CYFIP2: variants seen among roughly 807,000 people sequenced by gnomAD.
The protein encoded by CYFIP2 is cytoplasmic FMR1-interacting protein 2.
In CYFIP2, 29 loss-of-function variants were observed where a neutral mutation model predicts 158.7. The observed-to-expected ratio is 0.18, with a 90% confidence interval of 0.14 to 0.25. The LOEUF (loss-of-function observed/expected upper bound fraction) is 0.25. CYFIP2 is among the 10% of genes least tolerant of loss of function. The probability of loss-of-function intolerance (pLI) is 1.00; values close to 1 mark genes in which losing one functional copy is unlikely to be tolerated. For synonymous variants in CYFIP2, 585 were observed against 617.6 expected (o/e 0.95, Z 0.78); for missense variants, 852 against 1,639.5 (o/e 0.52, Z 8.29).
At chr5:157,384,939 C>CAAAAAAAAAAAAAAAAAAAA in intron 28 of CYFIP2, 1 of 63,866 alleles carries the variant, frequency 1.6e-5, no homozygotes, top group Non-Finnish European at 2.9e-5. Context: ...GACTCCATCT[C>CAAAAAAAAAAAAAAAAAAAA]AAAAAAAAAA....
chr5:157,288,400 T>C (rs1179933914), intron 3 of CYFIP2, among the ~76,000 whole-genome samples: 1 of 152,150 alleles, frequency 6.6e-6, no homozygotes, highest in African/African-American at 2.4e-5. Flanking sequence ...GGGAACACAC[T>C]CCAACCACAG....
At chr5:157,367,479 C>T (rs552605405) in intron 26 of CYFIP2, among the ~76,000 whole-genome samples, 1 of 152,274 alleles carries the variant, frequency 6.6e-6, no homozygotes, top group East Asian at 1.9e-4. Context: ...GTGCAGGAGT[C>T]TGGATGAAAA....
chr5:157,364,907 G>A (rs1764224478), intron 26 of CYFIP2: 1 of 152,096 alleles, frequency 6.6e-6, no homozygotes, highest in African/African-American at 2.4e-5. Flanking sequence ...CATTCTCATG[G>A]AAAACTCTGA....
chr5:157,325,423 G>C, intron 16 of CYFIP2, 59 bp from the exon 17 acceptor site: 1 of 1,475,462 alleles, frequency 6.8e-7, no homozygotes, highest in East Asian at 2.4e-5. Context: ...TAAAAACAAT[G>C]AGAACTAAGG....
chr5:157,342,677 A>G (rs62390098), intron 23 of CYFIP2: 15,669 of 584,336 alleles, frequency 0.027, 358 homozygotes, highest in South Asian at 0.081. Context: ...GCCTTGGCAT[A>G]CCCTGGGGGA....
intron 1 of CYFIP2, among the ~76,000 whole-genome samples, chr5:157,277,699 C>T (rs1223514660): frequency 6.6e-6 from 1 of 152,122 alleles, no homozygotes; most frequent in Non-Finnish European, 1.5e-5. Context: ...TCCTGGAGCT[C>T]AGTATTTCAT....
intron 11 of CYFIP2, among the ~76,000 whole-genome samples, chr5:157,313,006 C>G (rs1018378245): frequency 3.9e-5 from 6 of 152,220 alleles, no homozygotes; most frequent in Middle Eastern, 3.2e-3. Context: ...GCCGCTGCAC[C>G]CAGCCAGAAC....
At chr5:157,350,215 G>T (rs959429463) in intron 23 of CYFIP2, among the ~76,000 whole-genome samples, 1 of 152,088 alleles carries the variant, frequency 6.6e-6, no homozygotes, top group Admixed American at 6.5e-5. Flanking sequence ...TGTCTAGAAG[G>T]GTTTTTCAGA....
At chr5:157,364,392 G>A (rs1034125159) in intron 26 of CYFIP2, 4 of 152,222 alleles carry the variant, frequency 2.6e-5, no homozygotes, top group African/African-American at 9.7e-5. Flanking sequence ...TCACTCACAT[G>A]TATCACTGAG....
chr5:157,362,733 C>T (rs1763949479), intron 26 of CYFIP2: 1 of 152,268 alleles, frequency 6.6e-6, no homozygotes, highest in Non-Finnish European at 1.5e-5. Context: ...ACTGTTACAG[C>T]AAGAGCTAGG....
chr5:157,337,379 G>A (rs1322005681), intron 21 of CYFIP2, among the ~76,000 whole-genome samples: 3 of 152,142 alleles, frequency 2.0e-5, no homozygotes, highest in Non-Finnish European at 4.4e-5. Flanking sequence ...GCGGTCAGAC[G>A]GGGTATCAGA....
At chr5:157,317,440 CTA>C (rs1484228111) in intron 13 of CYFIP2, among the ~76,000 whole-genome samples, 2 of 152,184 alleles carry the variant, frequency 1.3e-5, no homozygotes, top group Non-Finnish European at 2.9e-5. Flanking sequence ...CTCCCTAGTT[CTA>C]ACAGGCTTAT....
At position 157,300,031 on chromosome 5, in the gene CYFIP2, G is replaced by GT. The variant is rs1481861488; in HGVS notation, c.388-684_388-683insT. The stretch of plus-strand genomic sequence containing the variant: ...GAATGGTGCCTGGCACATAGTAGAT[G>GT]GCTATTAAATAGCTACTGGATGAAT... On this transcript the variant is annotated intron_variant, in intron 5 of 30. Coordinates refer to ENST00000620254, the MANE Select transcript of CYFIP2 (RefSeq NM_001037333.3). 3.3e-5 allele frequency among the ~76,000 whole-genome samples: 5 copies of GT among 152,102 alleles called. No homozygotes were observed. In the East Asian group the frequency reaches 9.6e-4, roughly 29 times the overall value.
At chr5:157,308,987 C>A (rs396898) in intron 9 of CYFIP2, among the ~76,000 whole-genome samples, 4 of 152,054 alleles carry the variant, frequency 2.6e-5, no homozygotes, top group Non-Finnish European at 4.4e-5. Flanking sequence ...GGCTCTGTAG[C>A]GTTCCCTGGA....
intron 26 of CYFIP2, among the ~76,000 whole-genome samples, chr5:157,369,194 G>A (rs1178522059): frequency 2.6e-5 from 4 of 151,998 alleles, no homozygotes; most frequent in South Asian, 2.1e-4. Context: ...CACCGCGCCC[G>A]GCCATTCCCA....
chr5:157,387,711 C>T (rs1255160251), intron 28 of CYFIP2, among the ~76,000 whole-genome samples: 2 of 150,600 alleles, frequency 1.3e-5, no homozygotes, highest in Non-Finnish European at 2.9e-5. Flanking sequence ...ATATTTTTAG[C>T]TAACTATGGC....
chr5:157,380,264 T>C (rs1347126199), intron 26 of CYFIP2: 1 of 152,260 alleles, frequency 6.6e-6, no homozygotes, highest in Non-Finnish European at 1.5e-5. Flanking sequence ...TAAACTGTAA[T>C]TTCTAATCTT....
In CYFIP2 at chr5:157,392,917, T is replaced by A; in HGVS notation, c.3679T>A (p.Ser1227Thr). ...TGCCATCCTGAACAAATACATGAAG[T>A]CCGTGGAGACAGACAGTTCCACTGT... ...VFAILNKYMK[S>T]VETDSSTVEH... is the part of the protein sequence containing the mutation. The change falls in exon 31 of 31, where the codon TCC becomes ACC. Residue 1227 changes from serine (S) to threonine (T), a missense_variant. By Grantham distance (58) the Ser-to-Thr change is moderately conservative. Coordinates refer to ENST00000620254, the MANE Select transcript of CYFIP2 (RefSeq NM_001037333.3). The A allele has an allele frequency of 6.2e-7, 1 of 1,613,962 alleles. No individual in the cohort carries two copies. The highest frequency in any genetic ancestry group is 2.2e-5 in the East Asian group (1 of 44,884).
chr5:157,342,582 C>A, intron 23 of CYFIP2: 1 of 348,818 alleles, frequency 2.9e-6, no homozygotes, highest in Non-Finnish European at 5.2e-6. Context: ...ATAACATATC[C>A]ATGTTTGTTT....
Sources: allele counts gnomAD v4.1 joint callset (sites outside exome capture counted in the v4.1 genomes callset), GRCh38; gene constraint gnomAD v4.1.1; transcripts MANE v1.5; gene names NCBI Gene and HGNC (gene_info 2026-07-23, HGNC 2026-07-21).